Variants in SLC22A16 observed in about 807,000 individuals in gnomAD.
The protein encoded by SLC22A16 is WUGSC:RG331P03.1.
In SLC22A16, 53 loss-of-function variants were observed where a neutral mutation model predicts 52.9. That is an observed-to-expected ratio of 1.00 (90% CI 0.80 to 1.26). SLC22A16 has a LOEUF of 1.26. Ranked by LOEUF, SLC22A16 falls within the 50% of genes most tolerant of loss-of-function variation. The pLI is 0.00. For missense variants in SLC22A16, 726 were observed against 704.0 expected (o/e 1.03, Z -0.35); for synonymous variants, 291 against 268.8 (o/e 1.08, Z -0.81).
At chr6:110,440,114 G>T (rs892824729) in intron 4 of SLC22A16, 3 of 152,102 alleles carry the variant, frequency 2.0e-5, no homozygotes, top group Non-Finnish European at 4.4e-5. Context: ...TTTCGACCAG[G>T]GCCGGTTCAC....
intron 1 of SLC22A16, among the ~76,000 whole-genome samples, chr6:110,471,976 A>T (rs1776275664): frequency 6.6e-6 from 1 of 152,168 alleles, no homozygotes. Flanking sequence ...CTGGGTGGCC[A>T]CCTGATCCAT....
At chr6:110,456,345 G>T in intron 2 of SLC22A16, 193 bp downstream of exon 2, 1 of 737,524 alleles carries the variant, frequency 1.4e-6, no homozygotes. Flanking sequence ...CCAGGATTTG[G>T]ATCTAGGTAT....
chr6:110,434,993 A>AT (rs1562278991), intron 6 of SLC22A16, among the ~76,000 whole-genome samples: 1 of 152,118 alleles, frequency 6.6e-6, no homozygotes, highest in East Asian at 1.9e-4. Flanking sequence ...AAGAAAAAAA[A>AT]ATCCCCAGTG....
At chr6:110,474,174 T>C (rs1435567579) in intron 1 of SLC22A16, among the ~76,000 whole-genome samples, 1 of 151,998 alleles carries the variant, frequency 6.6e-6, no homozygotes, top group Non-Finnish European at 1.5e-5. Context: ...CCTGAAACCA[T>C]CCTCCCGACC....
intron 1 of SLC22A16, among the ~76,000 whole-genome samples, chr6:110,459,972 C>T (rs557725148): frequency 6.6e-6 from 1 of 152,242 alleles, no homozygotes; most frequent in Admixed American, 6.5e-5. Flanking sequence ...AATTAAGAGG[C>T]ATAGCAGACC....
At chr6:110,454,852 T>C (rs1168750053) in intron 2 of SLC22A16, among the ~76,000 whole-genome samples, 2 of 79,524 alleles carry the variant, frequency 2.5e-5, no homozygotes, top group African/African-American at 1.0e-4. Flanking sequence ...ATAATATATA[T>C]AATATATGTT....
In SLC22A16 at chr6:110,456,926, G is replaced by A. The variant is rs768470747; in HGVS notation, c.145C>T (p.His49Tyr). The change falls in exon 2 of 8, where the codon CAT becomes TAT. Residue 49 changes from histidine (H) to tyrosine (Y), a missense_variant. Physicochemically the swap from His to Tyr is moderately conservative, Grantham distance 83. Coordinates refer to ENST00000368919, the MANE Select transcript of SLC22A16 (RefSeq NM_033125.4). The stretch of plus-strand genomic sequence containing the variant: ...TTGCCTGGGGGCCTGCAGACATGAT[G>A]AGGGGTGACTCCCATGAACACAGAA... ...LASVFMGVTP[H>Y]HVCRPPGNVS... 100 of 1,612,944 alleles carry A rather than the reference G, an allele frequency of 6.2e-5. No homozygotes were observed. The highest frequency in any genetic ancestry group is 7.7e-5 in the South Asian group (7 of 90,838).
intron 1 of SLC22A16, among the ~76,000 whole-genome samples, chr6:110,461,926 C>G (rs995489469): frequency 6.6e-6 from 1 of 152,202 alleles, no homozygotes; most frequent in Non-Finnish European, 1.5e-5. Flanking sequence ...CATACCAAGA[C>G]TGGGCAATTT....
chr6:110,470,154 C>T (rs932885576), intron 1 of SLC22A16, among the ~76,000 whole-genome samples: 2 of 152,076 alleles, frequency 1.3e-5, no homozygotes, highest in African/African-American at 4.8e-5. Flanking sequence ...GACACCATGG[C>T]AATAAGAGGC....
chr6:110,429,000 T>C (rs1774389552), intron 7 of SLC22A16, among the ~76,000 whole-genome samples: 1 of 152,196 alleles, frequency 6.6e-6, no homozygotes, highest in African/African-American at 2.4e-5. Flanking sequence ...CCGTAGTCCT[T>C]AATTGAGCCT....
chr6:110,473,714 A>C (rs1776353000), intron 1 of SLC22A16, among the ~76,000 whole-genome samples: 1 of 150,132 alleles, frequency 6.7e-6, no homozygotes. Context: ...TTTAGTGGAG[A>C]CTTGGTTTCA....
chr6:110,429,206 T>G (rs1774397155), intron 7 of SLC22A16, among the ~76,000 whole-genome samples: 1 of 152,170 alleles, frequency 6.6e-6, no homozygotes, highest in Non-Finnish European at 1.5e-5. Flanking sequence ...GTTCATGACC[T>G]AAAAAGGGTG....
chr6:110,425,446 G>A, intron 7 of SLC22A16: 3 of 1,302,650 alleles, frequency 2.3e-6, no homozygotes, highest in Non-Finnish European at 3.0e-6. Flanking sequence ...TTGTGGAGAA[G>A]ACAAGTAACT....
At position 110,454,811 on chromosome 6, in the gene SLC22A16, T is replaced by A. The variant is rs866187953; in HGVS notation, c.533+1727A>T. Among the ~76,000 whole-genome samples, 137 of 19,372 alleles carry A rather than the reference T, an allele frequency of 7.1e-3. 5 individuals carry two copies. Among genetic ancestry groups the A allele is most frequent in the African/African-American group, 0.037 (115 of 3,126 alleles). The allele number at this position is 19,372 out of a possible 152,430, so 12.7% of individuals were successfully genotyped here. A position where few individuals can be genotyped will look rare whatever the true frequency, so the allele number is the denominator to read the frequency against. ...ATATAAATATATATAATATATATAT[T>A]ATATATGTTATATTATATAATATAT... On this transcript the variant is annotated intron_variant, in intron 2 of 7. Transcript: ENST00000368919.
At chr6:110,440,095 C>T (rs192382915) in intron 4 of SLC22A16, 5 of 152,186 alleles carry the variant, frequency 3.3e-5, no homozygotes, top group Admixed American at 2.6e-4. Flanking sequence ...GAATTTTGAC[C>T]TGCTCCATTT....
intron 7 of SLC22A16, 88 bp downstream of exon 7, chr6:110,431,083 T>C: frequency 9.2e-7 from 1 of 1,084,414 alleles, no homozygotes; most frequent in Middle Eastern, 2.0e-4. Flanking sequence ...GTACTGGCTT[T>C]CAGTAAATAA....
At chr6:110,467,824 A>C (rs1267539069) in intron 1 of SLC22A16, among the ~76,000 whole-genome samples, 1 of 152,244 alleles carries the variant, frequency 6.6e-6, no homozygotes, top group East Asian at 1.9e-4. Flanking sequence ...ATTGACTTCT[A>C]TGCACACATT....
At chr6:110,438,610 T>C in intron 5 of SLC22A16, 110 bp downstream of exon 5, 1 of 1,153,520 alleles carries the variant, frequency 8.7e-7, no homozygotes, top group Middle Eastern at 2.5e-4. Context: ...TTATATACTC[T>C]GCCCAAATCA....
chr6:110,462,583 A>G (rs191771186), intron 1 of SLC22A16, among the ~76,000 whole-genome samples: 233 of 152,324 alleles, frequency 1.5e-3, no homozygotes, highest in Non-Finnish European at 2.8e-3. Context: ...AAAAATAAAG[A>G]AAAAAGAATT....
Sources: gnomAD v4.1 joint callset for allele counts (sites outside exome capture counted in the v4.1 genomes callset) on GRCh38, gnomAD v4.1.1 for gene constraint, MANE v1.5 for transcripts, NCBI Gene and HGNC (gene_info 2026-07-23, HGNC 2026-07-21) for gene names.